The following ZNF37A variants were observed in gnomAD, a reference collection of about 807,000 sequenced individuals.
ZNF37A encodes zinc finger protein 37A.
Under a neutral mutation model 12.3 loss-of-function variants are expected in ZNF37A, and 10 were observed. The observed-to-expected ratio is 0.82, with a 90% confidence interval of 0.50 to 1.38. The LOEUF (loss-of-function observed/expected upper bound fraction) is 1.38, where lower values mean the gene tolerates loss of function less well. Ranked by LOEUF, ZNF37A falls within the 40% of genes most tolerant of loss-of-function variation. The pLI is 0.00. For missense variants in ZNF37A, 580 were observed against 651.2 expected (o/e 0.89, Z 1.19); for synonymous variants, 207 against 223.0 (o/e 0.93, Z 0.64).
At position 38,118,719 on chromosome 10, in the gene ZNF37A, A is replaced by G. The variant is rs756370390; in HGVS notation, c.1568A>G (p.Tyr523Cys). 1.2e-6 allele frequency: 2 copies of G among 1,613,800 alleles called. No individual in the cohort carries two copies. Among genetic ancestry groups the G allele is most frequent in the Admixed American group, 1.7e-5 (1 of 59,908 alleles). The change falls in exon 8 of 8, where the codon TAT becomes TGT. Residue 523 changes from tyrosine (Y) to cysteine (C), a missense_variant. Coordinates refer to ENST00000685332, the MANE Select transcript of ZNF37A (RefSeq NM_001324250.3). Reference sequence around the variant, plus strand: ...AGAACACACACAGGGGAGAAACCCTATGAATGTAATGTTTGTGGAAAATCA... The same window carrying G: ...AGAACACACACAGGGGAGAAACCCTGTGAATGTAATGTTTGTGGAAAATCA... ...HHRTHTGEKP[Y>C]ECNVCGKSFY...
Position 38,121,105 on chromosome 10 carries a change from T to G in ZNF37A, c.*2268T>G, listed in dbSNP as rs1199917259. On this transcript the variant is annotated 3_prime_UTR_variant, in exon 8 of 8. Coordinates refer to ENST00000685332, the MANE Select transcript of ZNF37A (RefSeq NM_001324250.3). ...CTTCACTGAAGTTATTCCAAATATT[T>G]AAGAAATAATACCAGGCTTTTATAA... The G allele has an allele frequency of 6.6e-6, 1 of 152,038 alleles. No homozygotes were observed. Among genetic ancestry groups the G allele is most frequent in the East Asian group, 1.9e-4 (1 of 5,166 alleles). 9.4% of individuals were successfully genotyped at this position (152,038 alleles called of 1,614,324 possible).
chr10:38,096,309 G>A (rs879944287), intron 4 of ZNF37A, among the ~76,000 whole-genome samples: 1 of 152,184 alleles, frequency 6.6e-6, no homozygotes, highest in Non-Finnish European at 1.5e-5. Flanking sequence ...AAAGTATTAT[G>A]TTCCACTCTT....
At chr10:38,112,793 TTCTTG>T (rs1224905450) in intron 5 of ZNF37A, among the ~76,000 whole-genome samples, 1,567 of 48,634 alleles carry the variant, frequency 0.032, 203 homozygotes, top group African/African-American at 0.057. Context: ...TTCTTTTCTT[TTCTTG>T]TCTTGTCTTG....
intron 5 of ZNF37A, 108 bp from the exon 6 acceptor site, chr10:38,114,647 T>G (rs1324036130): frequency 9.8e-6 from 14 of 1,425,554 alleles, no homozygotes; most frequent in African/African-American, 5.6e-5. Context: ...TATAACAGTT[T>G]CTATTTAATT....
At chr10:38,127,012 G>C (rs1236923543), downstream of ZNF37A, among the ~76,000 whole-genome samples, 2 of 152,174 alleles carry the variant, frequency 1.3e-5, no homozygotes, top group African/African-American at 4.8e-5. Context: ...CTCTAATAAA[G>C]ATGCACTCTA....
At position 38,094,438 on chromosome 10, in the gene ZNF37A, C is replaced by T. The variant is rs368100092; in HGVS notation, c.-544C>T. On this transcript the variant is annotated 5_prime_UTR_variant, in exon 1 of 8. Coordinates refer to ENST00000685332, the MANE Select transcript of ZNF37A (RefSeq NM_001324250.3). ...CAGGTTTGTTTTTCTCCCCGGCACT[C>T]TGACGGGGAGGGCTCCCGGCATCTC... The T allele has an allele frequency of 1.2e-3, 184 of 152,272 alleles. 1 individual carries two copies. Among genetic ancestry groups the T allele is most frequent in the African/African-American group, 4.3e-3 (180 of 41,532 alleles). The allele number at this position is 152,272 out of a possible 1,614,324, so 9.4% of individuals were successfully genotyped here. A position where few individuals can be genotyped will look rare whatever the true frequency, so the allele number is the denominator to read the frequency against.
At chr10:38,124,967 T>A (rs2069901430), downstream of ZNF37A, 1 of 152,146 alleles carries the variant, frequency 6.6e-6, no homozygotes. Flanking sequence ...GGGAAAGACA[T>A]GTCTTCAAAA....
At chr10:38,102,017 A>G (rs759590170) in intron 5 of ZNF37A, among the ~76,000 whole-genome samples, 12 of 151,450 alleles carry the variant, frequency 7.9e-5, no homozygotes, top group Non-Finnish European at 1.5e-4. Context: ...TTTTTCTTTT[A>G]GTAGAGACGG....
intron 7 of ZNF37A, among the ~76,000 whole-genome samples, chr10:38,134,073 G>A (rs1245672480): frequency 2.0e-5 from 3 of 152,002 alleles, no homozygotes; most frequent in Non-Finnish European, 2.9e-5. Context: ...CCACTTGATC[G>A]AATTGGCTAC....
In ZNF37A at chr10:38,114,843, A is replaced by T. The variant is rs199622384; in HGVS notation, c.104A>T (p.Asp35Val). Reference sequence around the variant, plus strand: ...CCTGCTCAGAGGACCCTGTACAGGGATGTGATGCTGGAGAACTACAGCCAC... The same window carrying T: ...CCTGCTCAGAGGACCCTGTACAGGGTTGTGATGCTGGAGAACTACAGCCAC... Reference protein sequence around the residue: ...LDPAQRTLYRDVMLENYSHLV... With the variant: ...LDPAQRTLYRVVMLENYSHLV... The change falls in exon 6 of 8, where the codon GAT becomes GTT. Residue 35 changes from aspartate to valine, a missense_variant. Physicochemically the swap from Asp to Val is radical, Grantham distance 152. Coordinates refer to ENST00000685332, the MANE Select transcript of ZNF37A (RefSeq NM_001324250.3). The T allele has an allele frequency of 1.2e-6, 2 of 1,613,640 alleles. No individual in the cohort carries two copies. The highest frequency in any genetic ancestry group is 1.7e-6 in the Non-Finnish European group (2 of 1,179,918).
downstream of ZNF37A, among the ~76,000 whole-genome samples, chr10:38,130,009 A>C (rs2069998576): frequency 6.6e-6 from 1 of 152,188 alleles, no homozygotes; most frequent in African/African-American, 2.4e-5. Context: ...CCCAACAAAA[A>C]CTTGATCTAC....
At chr10:38,099,339 A>G (rs1204715310) in intron 5 of ZNF37A, among the ~76,000 whole-genome samples, 2 of 152,094 alleles carry the variant, frequency 1.3e-5, no homozygotes, top group Non-Finnish European at 2.9e-5. Flanking sequence ...TATGAGTTTC[A>G]CTACTTTTGC....
chr10:38,137,692 T>A (rs746516217), intron 7 of ZNF37A: 1 of 152,208 alleles, frequency 6.6e-6, no homozygotes, highest in Non-Finnish European at 1.5e-5. Context: ...AGACTGTGGT[T>A]GGGGGATGGT....
intron 7 of ZNF37A, among the ~76,000 whole-genome samples, chr10:38,146,454 T>C (rs1411755342): frequency 6.6e-6 from 1 of 152,148 alleles, no homozygotes; most frequent in African/African-American, 2.4e-5. Flanking sequence ...AACAGCTAGA[T>C]TGGACTTAGG....
downstream of ZNF37A, among the ~76,000 whole-genome samples, chr10:38,127,922 T>C (rs1188949232): frequency 1.3e-5 from 2 of 152,150 alleles, no homozygotes; most frequent in Non-Finnish European, 2.9e-5. Context: ...AAAGTGACAA[T>C]TTACGCTGAT....
At chr10:38,109,468 A>AT (rs1199674632) in intron 5 of ZNF37A, among the ~76,000 whole-genome samples, 4 of 152,208 alleles carry the variant, frequency 2.6e-5, no homozygotes, top group Non-Finnish European at 4.4e-5. Context: ...CCTATTCAAC[A>AT]TAGTATTGGA....
In ZNF37A at chr10:38,112,811, T is replaced by TCGG. The variant is rs2068925780; in HGVS notation, c.16-1944_16-1943insCGG. Among the ~76,000 whole-genome samples the TCGG allele has an allele frequency of 7.6e-5, 6 of 78,704 alleles. 1 individual carries two copies. Among genetic ancestry groups the TCGG allele is most frequent in the African/African-American group, 3.1e-4 (6 of 19,636 alleles). The allele number at this position is 78,704 out of a possible 152,430, so 51.6% of individuals were successfully genotyped here. ...TTTTCTTTTCTTGTCTTGTCTTGTCTTCTTTTCTTTTCTTTCACAGAGTTT... is the reference window on the plus strand; with the variant it reads ...TTTTCTTTTCTTGTCTTGTCTTGTCTCGGTCTTTTCTTTTCTTTCACAGAGTTT... On this transcript the variant is annotated intron_variant, in intron 5 of 7. Transcript: ENST00000685332.
intron 5 of ZNF37A, among the ~76,000 whole-genome samples, chr10:38,102,835 T>A (rs965393774): frequency 6.6e-6 from 1 of 152,168 alleles, no homozygotes; most frequent in African/African-American, 2.4e-5. Context: ...AGAATTTTTG[T>A]TATTTTTTTT....
intron 7 of ZNF37A, chr10:38,143,456 A>G (rs1251909523): frequency 6.6e-6 from 1 of 152,224 alleles, no homozygotes; most frequent in African/African-American, 2.4e-5. Flanking sequence ...GATTTTGAAG[A>G]GTAAGGAGGC....
Sources: gnomAD v4.1 joint callset for allele counts (sites outside exome capture counted in the v4.1 genomes callset) on GRCh38, gnomAD v4.1.1 for gene constraint, MANE v1.5 for transcripts, NCBI Gene and HGNC (gene_info 2026-07-23, HGNC 2026-07-21) for gene names.